The following SNX29 variants were observed in gnomAD, a reference collection of about 807,000 sequenced individuals.
SNX29 encodes the protein sorting nexin-29.
SNX29 carries 78 observed loss-of-function variants against 102.1 expected under a neutral mutation model. The observed-to-expected ratio is 0.76, with a 90% CI of 0.64 to 0.92. The LOEUF is 0.92. Among genes scored for constraint, SNX29 ranks in the 40% least tolerant of loss-of-function variants. The probability of loss-of-function intolerance (pLI) is 0.00; values close to 1 mark genes in which losing one functional copy is unlikely to be tolerated. For missense variants in SNX29, 1,280 were observed against 1,061.7 expected (o/e 1.21, Z -2.86); for synonymous variants, 580 against 414.5 (o/e 1.40, Z -4.85).
intron 3 of SNX29, among the ~76,000 whole-genome samples, chr16:12,011,913 T>G (rs761857341): frequency 6.6e-6 from 1 of 152,188 alleles, no homozygotes; most frequent in Non-Finnish European, 1.5e-5. Context: ...TAATAATATT[T>G]GCTTGGTACA....
chr16:12,369,724 A>T (rs1171747832), intron 16 of SNX29, among the ~76,000 whole-genome samples: 1 of 152,224 alleles, frequency 6.6e-6, no homozygotes, highest in Non-Finnish European at 1.5e-5. Context: ...CACACACAGT[A>T]TTTCCAGGGA....
At chr16:12,243,709 G>T (rs1042415510) in intron 14 of SNX29, among the ~76,000 whole-genome samples, 1 of 152,092 alleles carries the variant, frequency 6.6e-6, no homozygotes, top group African/African-American at 2.4e-5. Flanking sequence ...GACATCAGAG[G>T]CTGGATTGCA....
intron 4 of SNX29, among the ~76,000 whole-genome samples, chr16:12,032,652 T>A (rs1339230914): frequency 1.3e-5 from 2 of 152,082 alleles, no homozygotes; most frequent in Admixed American, 1.3e-4. Flanking sequence ...CAAATACTTG[T>A]TTTTTCCACT....
intron 18 of SNX29, among the ~76,000 whole-genome samples, chr16:12,449,961 G>A (rs535466011): frequency 2.0e-4 from 30 of 152,184 alleles, no homozygotes; most frequent in Admixed American, 1.2e-3. Flanking sequence ...GGAGGGACCC[G>A]GTGGGAGACA....
At chr16:12,196,620 T>C (rs1316907857) in intron 13 of SNX29, among the ~76,000 whole-genome samples, 1 of 109,434 alleles carries the variant, frequency 9.1e-6, no homozygotes, top group African/African-American at 2.7e-5. Flanking sequence ...TTTTTCTTTT[T>C]TCTTTTTTTT....
chr16:12,362,521 A>G (rs1045281142), intron 16 of SNX29, among the ~76,000 whole-genome samples: 3 of 138,490 alleles, frequency 2.2e-5, no homozygotes, highest in African/African-American at 5.3e-5. Context: ...GAATTTGACA[A>G]CTGAGTTGCA....
chr16:12,512,601 G>C (rs1190753178), intron 19 of SNX29, among the ~76,000 whole-genome samples: 2 of 151,256 alleles, frequency 1.3e-5, no homozygotes, highest in African/African-American at 4.9e-5. Context: ...TGGGACTCAT[G>C]AGCAGTACTC....
At chr16:12,376,238 G>T (rs1190400447) in intron 16 of SNX29, among the ~76,000 whole-genome samples, 5 of 152,088 alleles carry the variant, frequency 3.3e-5, no homozygotes, top group African/African-American at 1.2e-4. Context: ...CCCACGCCAC[G>T]TCCCTGGCAC....
chr16:12,403,378 C>G (rs1468521245), intron 17 of SNX29, 70 bp from the exon 18 acceptor site: 23 of 1,478,320 alleles, frequency 1.6e-5, no homozygotes, highest in Non-Finnish European at 2.0e-5. Context: ...CTCCTTTCCT[C>G]TTTTTTATTT....
chr16:12,329,704 C>T (rs1317409868), intron 15 of SNX29, among the ~76,000 whole-genome samples: 1 of 152,240 alleles, frequency 6.6e-6, no homozygotes, highest in African/African-American at 2.4e-5. Context: ...TCACAGTTCA[C>T]TGGCAACGAG....
At chr16:12,283,393 C>T (rs2079496210) in intron 15 of SNX29, among the ~76,000 whole-genome samples, 1 of 150,738 alleles carries the variant, frequency 6.6e-6, no homozygotes, top group Non-Finnish European at 1.5e-5. Flanking sequence ...GATCTTGGCT[C>T]ACTGCAAGCT....
intron 11 of SNX29, among the ~76,000 whole-genome samples, chr16:12,092,213 T>C (rs1489630591): frequency 1.3e-5 from 2 of 152,186 alleles, no homozygotes; most frequent in Non-Finnish European, 2.9e-5. Context: ...ACACACTTTG[T>C]CTGCTAGTTA....
intron 19 of SNX29, among the ~76,000 whole-genome samples, chr16:12,500,253 C>G (rs2089049111): frequency 6.6e-6 from 1 of 152,220 alleles, no homozygotes; most frequent in Admixed American, 6.5e-5. Context: ...GTGCCTCAGT[C>G]TCCCAAAGTG....
intron 18 of SNX29, among the ~76,000 whole-genome samples, chr16:12,473,862 T>G (rs543206757): frequency 6.6e-6 from 1 of 152,274 alleles, no homozygotes; most frequent in African/African-American, 2.4e-5. Context: ...AAGGGAGGCA[T>G]GAATAATCCA....
chr16:12,542,480 C>CA (rs1184362989), intron 20 of SNX29, among the ~76,000 whole-genome samples: 1 of 152,192 alleles, frequency 6.6e-6, no homozygotes, highest in Non-Finnish European at 1.5e-5. Flanking sequence ...TACAGGGACC[C>CA]ACTACCACAC....
At chr16:12,119,775 C>T (rs2053895322) in intron 11 of SNX29, among the ~76,000 whole-genome samples, 1 of 152,238 alleles carries the variant, frequency 6.6e-6, no homozygotes, top group Non-Finnish European at 1.5e-5. Context: ...CTGGCCACTT[C>T]CTGGCTGTGT....
chr16:12,525,912 C>G (rs565199111), intron 20 of SNX29, among the ~76,000 whole-genome samples: 2 of 152,246 alleles, frequency 1.3e-5, no homozygotes, highest in South Asian at 2.1e-4. Context: ...ACGTCCCTGC[C>G]TTGCCACTGA....
In SNX29 at chr16:12,211,290, C is replaced by G. The variant is rs184939986; in HGVS notation, c.1678+11607C>G. Among the ~76,000 whole-genome samples, 426 of 152,278 alleles carry G rather than the reference C, an allele frequency of 2.8e-3. 1 individual carries two copies. The highest frequency in any genetic ancestry group is 4.1e-3 in the Admixed American group (63 of 15,294). On this transcript the variant is annotated intron_variant, in intron 14 of 20. Transcript: ENST00000566228. ...AAGCAGGTAATTTCGAATACATATTCTGATACAGCCCAACCTTTTCCCACA... is the reference window on the plus strand; with the variant it reads ...AAGCAGGTAATTTCGAATACATATTGTGATACAGCCCAACCTTTTCCCACA...
intron 15 of SNX29, among the ~76,000 whole-genome samples, chr16:12,287,649 C>G (rs997776734): frequency 1.3e-5 from 2 of 152,234 alleles, no homozygotes; most frequent in African/African-American, 4.8e-5. Context: ...TTATCACACC[C>G]TAAAGTTAGC....
Sources: allele counts gnomAD v4.1 joint callset (sites outside exome capture counted in the v4.1 genomes callset), GRCh38; gene constraint gnomAD v4.1.1; transcripts MANE v1.5; gene names NCBI Gene and HGNC (gene_info 2026-07-23, HGNC 2026-07-21).